Variants in CDS1 observed in about 807,000 individuals in gnomAD.
CDS1 encodes the protein phosphatidate cytidylyltransferase 1.
A neutral mutation model predicts 62.1 loss-of-function variants in CDS1; 41 were observed. The observed-to-expected ratio is 0.66, with a 90% CI of 0.51 to 0.86. The LOEUF is 0.86. CDS1 is among the 40% of genes least tolerant of loss of function. The probability of loss-of-function intolerance (pLI) is 0.00; values close to 1 mark genes in which losing one functional copy is unlikely to be tolerated. For missense variants in CDS1, 470 were observed against 550.1 expected, an observed-to-expected ratio of 0.85 and a Z score of 1.46; for synonymous variants, 185 against 192.6, an observed-to-expected ratio of 0.96 and a Z score of 0.32.
intron 2 of CDS1, among the ~76,000 whole-genome samples, chr4:84,608,388 A>G (rs1723200640): frequency 6.6e-6 from 1 of 152,064 alleles, no homozygotes; most frequent in Non-Finnish European, 1.5e-5. Flanking sequence ...GTTAGCCAGG[A>G]TGGTCTCGAT....
At chr4:84,588,705 T>G (rs1356593255) in intron 1 of CDS1, among the ~76,000 whole-genome samples, 2 of 151,968 alleles carry the variant, frequency 1.3e-5, no homozygotes, top group African/African-American at 4.8e-5. Context: ...TTGGGAGGAG[T>G]TATCCAGTCA....
At chr4:84,645,801 A>T (rs1724540600) in intron 12 of CDS1, among the ~76,000 whole-genome samples, 1 of 152,212 alleles carries the variant, frequency 6.6e-6, no homozygotes. Context: ...AGAAAGAATG[A>T]TGAGAAAGAG....
At chr4:84,626,792 A>G (rs2148652765) in intron 5 of CDS1, among the ~76,000 whole-genome samples, 1 of 152,286 alleles carries the variant, frequency 6.6e-6, no homozygotes, top group East Asian at 1.9e-4. Context: ...CAGGCCTGGC[A>G]TTGAGGGTCC....
In CDS1 at chr4:84,631,819, G is replaced by T; in HGVS notation, c.581G>T (p.Gly194Val). Residue 194 changes from glycine to valine, a missense_variant and splice_region_variant, in exon 6 of 13, where the codon GGT becomes GTT. This residue lies in a region of CDS1 where 214 missense variants were observed against 242.4 expected (regional missense o/e 0.88). Coordinates refer to ENST00000295887, the MANE Select transcript of CDS1 (RefSeq NM_001263.4). ...GCACATGTTTTTTGTTCTTGAACAG[G>T]TTTCTGCATGTTTGTACTGAGTTTG... ...RFISFALYLA[G>V]FCMFVLSLVK... 6.2e-7 allele frequency: 1 copy of T among 1,611,942 alleles called. No individual in the cohort carries two copies. The highest frequency in any genetic ancestry group is 8.5e-7 in the Non-Finnish European group (1 of 1,178,278).
intron 6 of CDS1, among the ~76,000 whole-genome samples, chr4:84,633,058 A>T (rs953916125): frequency 6.6e-6 from 1 of 152,188 alleles, no homozygotes; most frequent in African/African-American, 2.4e-5. Flanking sequence ...TGGGAGGTCA[A>T]GGCTGCAGTG....
intron 1 of CDS1, among the ~76,000 whole-genome samples, chr4:84,587,294 T>C (rs1287282551): frequency 6.6e-6 from 1 of 152,230 alleles, no homozygotes; most frequent in Non-Finnish European, 1.5e-5. Flanking sequence ...GAATCTTCAC[T>C]GAGTTTAATA....
intron 1 of CDS1, among the ~76,000 whole-genome samples, chr4:84,599,810 T>C (rs1305543558): frequency 6.6e-6 from 1 of 152,180 alleles, no homozygotes; most frequent in African/African-American, 2.4e-5. Flanking sequence ...TGTCCCTAGT[T>C]TGGAGCTATT....
intron 1 of CDS1, among the ~76,000 whole-genome samples, chr4:84,592,833 A>G (rs889460503): frequency 6.6e-6 from 1 of 152,190 alleles, no homozygotes; most frequent in African/African-American, 2.4e-5. Flanking sequence ...GCTTTCTGCA[A>G]GGCTGATGTA....
chr4:84,617,095 A>G (rs1459493099), intron 3 of CDS1, among the ~76,000 whole-genome samples: 2 of 152,226 alleles, frequency 1.3e-5, no homozygotes, highest in African/African-American at 4.8e-5. Flanking sequence ...TCCTGACAGT[A>G]TCTTTATTAT....
At chr4:84,594,225 G>GGGAAAGAAC (rs1488593105) in intron 1 of CDS1, among the ~76,000 whole-genome samples, 2 of 152,118 alleles carry the variant, frequency 1.3e-5, no homozygotes, top group African/African-American at 4.8e-5. Context: ...CAGGAAAGAA[G>GGGAAAGAAC]GGTCAGATTT....
Position 84,631,854 on chromosome 4 carries a change from C to T in CDS1, c.616C>T (p.His206Tyr). 6.2e-7 allele frequency: 1 copy of T among 1,611,316 alleles called. No individual in the cohort carries two copies. Among genetic ancestry groups the T allele is most frequent in the Non-Finnish European group, 8.5e-7 (1 of 1,177,696 alleles). ...GTTTGTACTGAGTTTGGTGAAGAAA[C>T]ATTATCGTCTGCAGTTTTATATGGT... is the stretch of plus-strand genomic sequence containing the variant. ...CMFVLSLVKK[H>Y]YRLQFYMFAW... Residue 206 changes from histidine to tyrosine, a missense_variant, in exon 6 of 13, where the codon CAT becomes TAT. Physicochemically the swap from His to Tyr is moderately conservative, Grantham distance 83 (BLOSUM62 2). Around this residue, in one of 5 missense-constraint regions of CDS1, gnomAD observed 214 missense variants for 242.4 expected, o/e 0.88. Coordinates refer to ENST00000295887, the MANE Select transcript of CDS1 (RefSeq NM_001263.4).
intron 1 of CDS1, among the ~76,000 whole-genome samples, chr4:84,600,486 T>C (rs1225200548): frequency 2.0e-5 from 3 of 152,212 alleles, no homozygotes; most frequent in Non-Finnish European, 4.4e-5. Flanking sequence ...GTCTGATCTG[T>C]TTTGATTTAA....
intron 1 of CDS1, among the ~76,000 whole-genome samples, chr4:84,603,974 A>T (rs1324737886): frequency 1.3e-5 from 2 of 152,210 alleles, no homozygotes; most frequent in Non-Finnish European, 2.9e-5. Context: ...TTTTAGGGGT[A>T]TATTTCTGAT....
intron 11 of CDS1, among the ~76,000 whole-genome samples, chr4:84,643,830 A>G (rs982807552): frequency 7.2e-5 from 11 of 152,218 alleles, no homozygotes; most frequent in African/African-American, 1.2e-4. Context: ...GTGACATGTT[A>G]TCTCAGCAAT....
chr4:84,642,425 AAGG>A (rs1268360378), intron 10 of CDS1, among the ~76,000 whole-genome samples: 1 of 152,214 alleles, frequency 6.6e-6, no homozygotes, highest in Non-Finnish European at 1.5e-5. Context: ...ATTATTTAAA[AAGG>A]AGCAAGAACT....
chr4:84,622,189 T>C (rs1723708260), intron 5 of CDS1, among the ~76,000 whole-genome samples: 1 of 152,252 alleles, frequency 6.6e-6, no homozygotes, highest in South Asian at 2.1e-4. Context: ...ACAAGACTTC[T>C]GGCATTTTGA....
At chr4:84,592,000 T>C (rs1190132200) in intron 1 of CDS1, among the ~76,000 whole-genome samples, 2 of 152,200 alleles carry the variant, frequency 1.3e-5, no homozygotes, top group Admixed American at 6.5e-5. Flanking sequence ...CGCTTACTTA[T>C]GATCAATTTC....
intron 8 of CDS1, among the ~76,000 whole-genome samples, chr4:84,635,628 T>TG (rs1560481590): frequency 1.6e-5 from 1 of 61,140 alleles, no homozygotes; most frequent in African/African-American, 6.3e-5. Flanking sequence ...CCTGCCTGCC[T>TG]TCCTTCCTTC....
chr4:84,585,062 C>A (rs1413700892), intron 1 of CDS1, among the ~76,000 whole-genome samples: 1 of 152,198 alleles, frequency 6.6e-6, no homozygotes, highest in Non-Finnish European at 1.5e-5. Flanking sequence ...AAAAGATGTT[C>A]AGGAAGCCAT....
Sources: allele counts gnomAD v4.1 joint callset (sites outside exome capture counted in the v4.1 genomes callset), GRCh38; gene constraint gnomAD v4.1.1; regional missense constraint gnomAD v4.1.1; transcripts MANE v1.5; gene names NCBI Gene and HGNC (gene_info 2026-07-23, HGNC 2026-07-21).